REV3L: variants seen among roughly 807,000 people sequenced by gnomAD.
REV3L encodes DNA polymerase zeta catalytic subunit.
Under a neutral mutation model 299.4 loss-of-function variants are expected in REV3L, and 69 were observed. The observed-to-expected ratio is 0.23, with a 90% CI of 0.19 to 0.28. REV3L has a LOEUF of 0.28. Among genes scored for constraint, REV3L ranks in the 10% least tolerant of loss-of-function variants. The pLI, the probability that REV3L is intolerant of heterozygous loss-of-function variation, is 1.00. For missense variants in REV3L, 3,128 were observed against 3,693.8 expected (o/e 0.85, Z 3.97); for synonymous variants, 1,238 against 1,271.4 (o/e 0.97, Z 0.56).
chr6:111,391,066 A>AT (rs35980642), intron 5 of REV3L, among the ~76,000 whole-genome samples: 2,607 of 137,420 alleles, frequency 0.019, 46 homozygotes, highest in Admixed American at 0.064. Flanking sequence ...ACACTTTGGT[A>AT]TTTTTTTTTT....
chr6:111,430,775 C>T, intron 1 of REV3L: 1 of 1,605,894 alleles, frequency 6.2e-7, no homozygotes, highest in Non-Finnish European at 8.5e-7. Context: ...GCAGGAGCAG[C>T]TTGACCGCAT....
chr6:111,392,625 C>T, intron 5 of REV3L: 1 of 270,934 alleles, frequency 3.7e-6, no homozygotes, highest in Non-Finnish European at 6.9e-6. Context: ...ATGAATGTTG[C>T]AGAAAAGTAT....
intron 29 of REV3L, 96 bp from the exon 30 acceptor site, chr6:111,310,195 G>A (rs1772818957): frequency 1.5e-6 from 2 of 1,365,960 alleles, no homozygotes; most frequent in Admixed American, 2.6e-5. Flanking sequence ...ATAAAACAAT[G>A]AAAAAACTAC....
chr6:111,385,862 T>C (rs536514929), intron 9 of REV3L, among the ~76,000 whole-genome samples: 12 of 152,262 alleles, frequency 7.9e-5, no homozygotes, highest in African/African-American at 2.4e-4. Context: ...TCAAATTCAT[T>C]AGTAATTAGG....
intron 4 of REV3L, among the ~76,000 whole-genome samples, chr6:111,394,005 C>A (rs1398377226): frequency 9.2e-5 from 14 of 152,110 alleles, no homozygotes; most frequent in Admixed American, 9.2e-4. Context: ...TGTATATATA[C>A]CACATTTTCT....
intron 13 of REV3L, among the ~76,000 whole-genome samples, chr6:111,372,316 C>A (rs569793590): frequency 1.2e-4 from 19 of 152,234 alleles, no homozygotes; most frequent in African/African-American, 4.3e-4. Flanking sequence ...CAGTGAGCAC[C>A]TCTAATCTTT....
intron 30 of REV3L, among the ~76,000 whole-genome samples, chr6:111,308,742 T>TA (rs1272033180): frequency 6.6e-6 from 1 of 152,254 alleles, no homozygotes; most frequent in Non-Finnish European, 1.5e-5. Context: ...ATTAACTGGC[T>TA]TATTCTACGT....
At chr6:111,478,984 A>ATAG (rs1043817172) in intron 1 of REV3L, among the ~76,000 whole-genome samples, 11 of 152,318 alleles carry the variant, frequency 7.2e-5, no homozygotes, top group African/African-American at 2.6e-4. Context: ...CTTTGAAAGG[A>ATAG]TAGTTCTGTT....
chr6:111,360,801 G>C (rs1056323230), intron 16 of REV3L: 5 of 151,524 alleles, frequency 3.3e-5, no homozygotes, highest in African/African-American at 1.2e-4. Context: ...AAAATATAAA[G>C]AACATCAATT....
At chr6:111,434,619 A>C (rs1787336638) in intron 1 of REV3L, among the ~76,000 whole-genome samples, 1 of 104,302 alleles carries the variant, frequency 9.6e-6, no homozygotes, top group African/African-American at 3.5e-5. Flanking sequence ...ACTCCGTCTC[A>C]AAAAAAAAAA....
intron 14 of REV3L, 44 bp from the exon 15 acceptor site, chr6:111,365,388 C>A: frequency 8.5e-7 from 1 of 1,170,384 alleles, no homozygotes; most frequent in South Asian, 1.5e-5. Context: ...TCAAAATTAC[C>A]TGCTTCTGGT....
chr6:111,303,701 CTTTTTTTTTTTTTTTTTTTTTTTTTTT>C (rs58366929), intron 31 of REV3L, among the ~76,000 whole-genome samples: 138 of 12,650 alleles, frequency 0.011, 6 homozygotes, highest in African/African-American at 0.032. Context: ...CAGACTATGA[CTTTTTTTTTTTTTTTTTTTTTTTTTTT>C]TTTTTTTTTA....
intron 1 of REV3L, among the ~76,000 whole-genome samples, chr6:111,423,396 T>C (rs563047842): frequency 6.6e-6 from 1 of 152,114 alleles, no homozygotes; most frequent in South Asian, 2.1e-4. Context: ...TTTCAGTATG[T>C]ACAGAAACCT....
intron 31 of REV3L, among the ~76,000 whole-genome samples, chr6:111,304,344 CA>C (rs1264162108): frequency 6.7e-6 from 1 of 148,584 alleles, no homozygotes; most frequent in Non-Finnish European, 1.5e-5. Flanking sequence ...GATATATAAT[CA>C]CAAGGTCTGA....
intron 1 of REV3L, among the ~76,000 whole-genome samples, chr6:111,420,753 T>C (rs1274266840): frequency 6.6e-6 from 1 of 152,224 alleles, no homozygotes; most frequent in Non-Finnish European, 1.5e-5. Context: ...CTTCCCATTG[T>C]GTGTAAGTAC....
At chr6:111,354,828 T>A (rs1777931040) in intron 18 of REV3L, among the ~76,000 whole-genome samples, 1 of 152,146 alleles carries the variant, frequency 6.6e-6, no homozygotes, top group South Asian at 2.1e-4. Flanking sequence ...AATGGTTCCA[T>A]TTGCTTAGGC....
intron 1 of REV3L, among the ~76,000 whole-genome samples, chr6:111,471,232 T>C (rs1433454458): frequency 6.6e-6 from 1 of 152,094 alleles, no homozygotes; most frequent in East Asian, 1.9e-4. Flanking sequence ...ATACATACTT[T>C]CAACATGTTC....
At chr6:111,480,521 T>C (rs534967670) in intron 1 of REV3L, among the ~76,000 whole-genome samples, 2 of 152,278 alleles carry the variant, frequency 1.3e-5, no homozygotes, top group South Asian at 4.1e-4. Flanking sequence ...TTAATATTAA[T>C]CTCACTGGGA....
intron 4 of REV3L, among the ~76,000 whole-genome samples, chr6:111,395,357 T>C (rs968573645): frequency 2.6e-5 from 4 of 152,206 alleles, no homozygotes; most frequent in Admixed American, 6.5e-5. Context: ...TGTCTCCCAT[T>C]TGTCTATTTC....
Sources: gnomAD v4.1 joint callset for allele counts (sites outside exome capture counted in the v4.1 genomes callset) on GRCh38, gnomAD v4.1.1 for gene constraint, MANE v1.5 for transcripts, NCBI Gene and HGNC (gene_info 2026-07-23, HGNC 2026-07-21) for gene names.